Variants in CAST observed in about 807,000 individuals in gnomAD.
CAST encodes the protein MIR583 host.
Under a neutral mutation model 119.6 loss-of-function variants are expected in CAST, and 76 were observed. The ratio of observed to expected loss-of-function variants is 0.64; its 90% confidence interval spans 0.53 to 0.77. The LOEUF (loss-of-function observed/expected upper bound fraction) is 0.77. CAST is among the 30% of genes least tolerant of loss of function. The pLI is 0.00. For synonymous variants in CAST, 319 were observed against 331.6 expected (o/e 0.96, Z 0.41); for missense variants, 953 against 946.5 (o/e 1.01, Z -0.09).
the CAST span, among the ~76,000 whole-genome samples, chr5:96,101,022 A>C: frequency 1.1e-4 from 17 of 152,266 alleles, 1 homozygote; most frequent in East Asian, 2.9e-3. Flanking sequence ...TCCTGGGCTC[A>C]AGCAGTTCTT....
intron 1 of CAST, among the ~76,000 whole-genome samples, chr5:96,562,348 C>A (rs1428895283): frequency 2.0e-5 from 3 of 151,928 alleles, no homozygotes; most frequent in Non-Finnish European, 4.4e-5. Flanking sequence ...TTTCATAGAA[C>A]AATACAAATG....
upstream of CAST, among the ~76,000 whole-genome samples, chr5:96,529,593 AC>A (rs1745654259): frequency 6.6e-6 from 1 of 152,080 alleles, no homozygotes; most frequent in South Asian, 2.1e-4. Flanking sequence ...ATTTATTTTG[AC>A]CCATTTATAT....
At chr5:96,639,783 ATTTTG>A (rs1280290035) in intron 1 of CAST, among the ~76,000 whole-genome samples, 1 of 152,160 alleles carries the variant, frequency 6.6e-6, no homozygotes, top group Non-Finnish European at 1.5e-5. Flanking sequence ...AGGAGCCAGA[ATTTTG>A]TTTTGTTTTG....
At chr5:96,534,240 T>C (rs1745741216) in intron 1 of CAST, among the ~76,000 whole-genome samples, 1 of 152,166 alleles carries the variant, frequency 6.6e-6, no homozygotes, top group South Asian at 2.1e-4. Flanking sequence ...ATGCATGATG[T>C]CACAAAATCA....
At chr5:96,633,764 G>A in intron 1 of CAST, among the ~76,000 whole-genome samples, 1 of 152,200 alleles carries the variant, frequency 6.6e-6, no homozygotes, top group Non-Finnish European at 1.5e-5. Flanking sequence ...TAGGAATGAA[G>A]CTAGCTAGAG....
chr5:96,770,704 A>G, intron 30 of CAST, 102 bp downstream of exon 30: 1 of 774,700 alleles, frequency 1.3e-6, no homozygotes. Flanking sequence ...TATTTAGAAT[A>G]AAATTTCTTA....
the CAST span, among the ~76,000 whole-genome samples, chr5:96,257,978 G>A: frequency 2.0e-5 from 3 of 152,152 alleles, no homozygotes; most frequent in African/African-American, 7.2e-5. Context: ...GTGATCATGA[G>A]TAGGCAGATT....
the CAST span, among the ~76,000 whole-genome samples, chr5:96,064,944 C>T: frequency 6.6e-6 from 1 of 152,134 alleles, no homozygotes; most frequent in East Asian, 1.9e-4. Context: ...TGTCCCCTTG[C>T]TTAGCTCCTT....
intron 3 of CAST, among the ~76,000 whole-genome samples, chr5:96,709,406 C>T (rs1301747297): frequency 1.3e-5 from 2 of 152,198 alleles, no homozygotes; most frequent in Non-Finnish European, 2.9e-5. Flanking sequence ...CAGCCTTGCT[C>T]ACCAGAGGAC....
the CAST span, among the ~76,000 whole-genome samples, chr5:96,244,858 G>A: frequency 1.5e-4 from 23 of 152,116 alleles, no homozygotes; most frequent in Admixed American, 1.4e-3. Context: ...GACTTTGTGG[G>A]TAATTAAGAT....
the CAST span, among the ~76,000 whole-genome samples, chr5:96,513,501 A>C: frequency 3.5e-4 from 54 of 152,210 alleles, 1 homozygote; most frequent in Non-Finnish European, 4.4e-5. Flanking sequence ...ACAACAAATA[A>C]GTCACTGGTC....
At chr5:96,171,138 G>A in the CAST span, among the ~76,000 whole-genome samples, 1 of 152,168 alleles carries the variant, frequency 6.6e-6, no homozygotes, top group Non-Finnish European at 1.5e-5. Flanking sequence ...ACAATGCCTG[G>A]ACGTCAGGCA....
At chr5:96,138,485 G>A in the CAST span, among the ~76,000 whole-genome samples, 1 of 151,940 alleles carries the variant, frequency 6.6e-6, no homozygotes, top group East Asian at 1.9e-4. Flanking sequence ...ATACACTGTA[G>A]AGTCAGTTTT....
the CAST span, among the ~76,000 whole-genome samples, chr5:96,113,473 A>G: frequency 6.6e-6 from 1 of 152,248 alleles, no homozygotes; most frequent in Non-Finnish European, 1.5e-5. Context: ...TGCAAAATAT[A>G]AAGTGGGAGT....
At chr5:96,097,534 A>G in the CAST span, among the ~76,000 whole-genome samples, 1 of 151,992 alleles carries the variant, frequency 6.6e-6, no homozygotes, top group African/African-American at 2.4e-5. Flanking sequence ...CTATATGTCC[A>G]TGTATCCTCA....
At chr5:96,476,047 C>T in the CAST span, among the ~76,000 whole-genome samples, 3 of 152,286 alleles carry the variant, frequency 2.0e-5, no homozygotes, top group South Asian at 2.1e-4. Context: ...CATCCAAAAG[C>T]GGCCGTTGAG....
chr5:96,063,286 C>G, the CAST span, among the ~76,000 whole-genome samples: 1 of 152,148 alleles, frequency 6.6e-6, no homozygotes. Context: ...TCATGACCCC[C>G]ACCTGAGGGC....
At chr5:96,024,749 C>A in the CAST span, among the ~76,000 whole-genome samples, 2 of 152,000 alleles carry the variant, frequency 1.3e-5, no homozygotes, top group Non-Finnish European at 2.9e-5. Flanking sequence ...GAAGTAAAGA[C>A]TTCAATGCAA....
At chr5:95,996,305 G>A in the CAST span, among the ~76,000 whole-genome samples, 4 of 152,164 alleles carry the variant, frequency 2.6e-5, no homozygotes, top group Non-Finnish European at 4.4e-5. Context: ...CTAAGACAAT[G>A]CCTCAAAACA....
Sources: allele counts gnomAD v4.1 joint callset (sites outside exome capture counted in the v4.1 genomes callset), GRCh38; gene constraint gnomAD v4.1.1; transcripts MANE v1.5; gene names NCBI Gene and HGNC (gene_info 2026-07-23, HGNC 2026-07-21).